The following TRIM5 variants were observed in gnomAD, a reference collection of about 807,000 sequenced individuals.
The protein encoded by TRIM5 is tripartite motif containing 5.
Under a neutral mutation model 35.6 loss-of-function variants are expected in TRIM5, and 31 were observed. That is an observed-to-expected ratio of 0.87 (90% CI 0.65 to 1.18). TRIM5 has a LOEUF of 1.18. Among genes scored for constraint, TRIM5 ranks in the 50% most tolerant of loss-of-function variants. TRIM5 has a pLI of 0.00. For missense variants in TRIM5, 609 were observed against 591.6 expected, an observed-to-expected ratio of 1.03 and a Z score of -0.31; for synonymous variants, 243 against 215.6, an observed-to-expected ratio of 1.13 and a Z score of -1.11.
chr11:5,667,551 C>T (rs1564908942), intron 5 of TRIM5, 138 bp downstream of exon 5: 2 of 946,124 alleles, frequency 2.1e-6, no homozygotes, highest in East Asian at 5.1e-5. Context: ...GATTTATGAC[C>T]AGAAATTTAT....
At chr11:5,643,500 G>C in the TRIM5 span, 1 of 1,614,150 alleles carries the variant, frequency 6.2e-7, no homozygotes. Flanking sequence ...CTCTGATCCC[G>C]AGGTTTTGAC....
the TRIM5 span, chr11:5,611,655 G>T: frequency 0.083 from 21,712 of 260,560 alleles, 1,063 homozygotes; most frequent in Non-Finnish European, 0.11. Context: ...GTTTCACCGT[G>T]TTGGCCAGGC....
the TRIM5 span, among the ~76,000 whole-genome samples, chr11:5,607,969 G>A: frequency 6.6e-6 from 1 of 152,124 alleles, no homozygotes; most frequent in Non-Finnish European, 1.5e-5. Context: ...TGAAGTTTGA[G>A]AAACAGCCAT....
chr11:5,613,550 G>C, the TRIM5 span, among the ~76,000 whole-genome samples: 1 of 152,314 alleles, frequency 6.6e-6, no homozygotes, highest in Admixed American at 6.5e-5. Context: ...AAAGGAGATA[G>C]GGCCAGCTGA....
the TRIM5 span, among the ~76,000 whole-genome samples, chr11:5,629,661 G>A: frequency 6.6e-6 from 1 of 152,206 alleles, no homozygotes; most frequent in Non-Finnish European, 1.5e-5. Context: ...AGGAGATATA[G>A]CATGCAGACA....
chr11:5,634,393 A>G, the TRIM5 span, among the ~76,000 whole-genome samples: 2 of 151,654 alleles, frequency 1.3e-5, no homozygotes, highest in African/African-American at 4.9e-5. Flanking sequence ...GCTTCCCTCC[A>G]AGTACCTCTA....
At chr11:5,671,494 T>C (rs1333997818) in intron 4 of TRIM5, among the ~76,000 whole-genome samples, 4 of 151,908 alleles carry the variant, frequency 2.6e-5, no homozygotes, top group African/African-American at 7.2e-5. Context: ...GCTCGAGAGA[T>C]AGAAATGATA....
the TRIM5 span, chr11:5,645,876 A>AAG: frequency 6.8e-6 from 1 of 147,232 alleles, no homozygotes; most frequent in African/African-American, 3.4e-5. Flanking sequence ...GGAAAAAAAA[A>AAG]AAAAATATAT....
chr11:5,667,360 C>A (rs1038709543), intron 5 of TRIM5, among the ~76,000 whole-genome samples: 2 of 152,092 alleles, frequency 1.3e-5, no homozygotes, highest in Non-Finnish European at 2.9e-5. Context: ...GCACGGGCCA[C>A]CACGCCCCCC....
chr11:5,680,309 C>A, intron 1 of TRIM5, 71 bp from the exon 2 acceptor site: 17 of 902,382 alleles, frequency 1.9e-5, no homozygotes, highest in South Asian at 7.1e-5. Context: ...TGATTGTGCA[C>A]AATTAGAAAA....
At chr11:5,607,922 T>A in the TRIM5 span, among the ~76,000 whole-genome samples, 1 of 152,086 alleles carries the variant, frequency 6.6e-6, no homozygotes, top group African/African-American at 2.4e-5. Context: ...AGGAAATGGA[T>A]GAAGTCAGCA....
the TRIM5 span, chr11:5,643,417 G>C: frequency 3.7e-6 from 6 of 1,614,150 alleles, no homozygotes. Context: ...ACCAAATACA[G>C]ACCTCTATTT....
In TRIM5 at chr11:5,680,088, G is replaced by A. The variant is rs779833504; in HGVS notation, c.90C>T (p.Cys30=). 36 of 1,614,088 alleles carry A rather than the reference G, an allele frequency of 2.2e-5. No individual in the cohort carries two copies. The highest frequency in any genetic ancestry group is 4.5e-5 in the East Asian group (2 of 44,868). The part of the protein sequence containing the change: ...ELLTQPLSLD[C]GHSFCQACLT... Reference sequence around the variant, plus strand: ...GGCATGCTTGGCAGAAGCTGTGGCCGCAGTCCAGGCTCAGGGGTTGTGTCA... The same window carrying A: ...GGCATGCTTGGCAGAAGCTGTGGCCACAGTCCAGGCTCAGGGGTTGTGTCA... Residue 30 remains cysteine, a synonymous_variant, in exon 2 of 8, where the codon TGC becomes TGT. Transcript: ENST00000380034.
intron 4 of TRIM5, among the ~76,000 whole-genome samples, chr11:5,672,782 A>G (rs943168523): frequency 5.3e-5 from 8 of 152,204 alleles, no homozygotes; most frequent in African/African-American, 1.9e-4. Context: ...ATGATAACCA[A>G]AGATGAAGAA....
At chr11:5,594,383 C>T in the TRIM5 span, among the ~76,000 whole-genome samples, 3 of 152,188 alleles carry the variant, frequency 2.0e-5, no homozygotes, top group Non-Finnish European at 4.4e-5. Flanking sequence ...TCATGGCTCA[C>T]TGCAGCCTCA....
the TRIM5 span, among the ~76,000 whole-genome samples, chr11:5,599,239 G>A: frequency 2.0e-5 from 3 of 152,206 alleles, no homozygotes; most frequent in East Asian, 5.8e-4. Flanking sequence ...TTACTACATT[G>A]CATTTATGAG....
At chr11:5,661,223 T>C, downstream of TRIM5, among the ~76,000 whole-genome samples, 1 of 152,014 alleles carries the variant, frequency 6.6e-6, no homozygotes, top group East Asian at 1.9e-4. Flanking sequence ...TTGGTTGCAA[T>C]GTCCAAAGAA....
chr11:5,616,866 A>C, the TRIM5 span, among the ~76,000 whole-genome samples: 1 of 142,526 alleles, frequency 7.0e-6, no homozygotes, highest in Middle Eastern at 3.8e-3. Flanking sequence ...CAGCCTCCCA[A>C]GTACCTGGGA....
the TRIM5 span, among the ~76,000 whole-genome samples, chr11:5,624,650 T>C: frequency 6.6e-6 from 1 of 152,200 alleles, no homozygotes; most frequent in Non-Finnish European, 1.5e-5. Context: ...TTCTTTGCTG[T>C]GGGAACTGTC....
Sources: allele counts gnomAD v4.1 joint callset (sites outside exome capture counted in the v4.1 genomes callset), GRCh38; gene constraint gnomAD v4.1.1; transcripts MANE v1.5; gene names NCBI Gene and HGNC (gene_info 2026-07-23, HGNC 2026-07-21).